LCLAT1: variants seen among roughly 807,000 people sequenced by gnomAD.
LCLAT1 encodes the protein 1-AGP acyltransferase 8.
In LCLAT1, 11 loss-of-function variants were observed where a neutral mutation model predicts 30.7. The observed-to-expected ratio is 0.36, with a 90% CI of 0.23 to 0.59. The LOEUF (loss-of-function observed/expected upper bound fraction) is 0.59. LCLAT1 is among the 20% of genes least tolerant of loss of function. LCLAT1 has a pLI of 0.77. For synonymous variants in LCLAT1, 155 were observed against 151.3 expected, an observed-to-expected ratio of 1.02 and a Z score of -0.18; for missense variants, 402 against 458.6, an observed-to-expected ratio of 0.88 and a Z score of 1.13.
intron 1 of LCLAT1, among the ~76,000 whole-genome samples, chr2:30,461,012 G>C (rs1259590228): frequency 6.6e-6 from 1 of 152,214 alleles, no homozygotes; most frequent in Non-Finnish European, 1.5e-5. Flanking sequence ...CCATTGGGCT[G>C]TTCCTGAGTT....
intron 5 of LCLAT1, chr2:30,606,953 A>G (rs1667473544): frequency 6.6e-6 from 1 of 152,196 alleles, no homozygotes; most frequent in Non-Finnish European, 1.5e-5. Flanking sequence ...TCAAAAGAAG[A>G]CATTTATATG....
intron 1 of LCLAT1, among the ~76,000 whole-genome samples, chr2:30,498,774 G>A (rs1336847973): frequency 1.3e-5 from 2 of 152,118 alleles, no homozygotes; most frequent in Non-Finnish European, 2.9e-5. Context: ...TCTTTATACG[G>A]TATTTCTCTT....
intron 5 of LCLAT1, among the ~76,000 whole-genome samples, chr2:30,576,790 AT>A (rs1342414028): frequency 6.6e-6 from 1 of 151,682 alleles, no homozygotes; most frequent in Non-Finnish European, 1.5e-5. Context: ...AGCTTTATAG[AT>A]TTTTTCTTCC....
intron 2 of LCLAT1, among the ~76,000 whole-genome samples, chr2:30,532,307 TTTGA>T (rs1360894528): frequency 6.6e-6 from 1 of 152,318 alleles, no homozygotes; most frequent in African/African-American, 2.4e-5. Context: ...CAAGAGAACT[TTTGA>T]TTCTGTATCG....
intron 5 of LCLAT1, among the ~76,000 whole-genome samples, chr2:30,581,807 A>G (rs927249737): frequency 6.6e-6 from 1 of 152,212 alleles, no homozygotes; most frequent in Admixed American, 6.5e-5. Context: ...CAGCACAGCT[A>G]GATAGGAAGA....
At position 30,640,824 on chromosome 2, in the gene LCLAT1, C is replaced by A; in HGVS notation, c.*205C>A. ...CTGAATGTAATTTCGATACTGTGTA[C>A]ATAGCAGGGAGTGATCGGGGTGAAA... On this transcript the variant is annotated 3_prime_UTR_variant, in exon 6 of 6. Transcript: ENST00000379509. The A allele has an allele frequency of 3.5e-6, 2 of 574,002 alleles. No individual in the cohort carries two copies. The highest frequency in any genetic ancestry group is 5.9e-6 in the Non-Finnish European group (2 of 337,230). 35.6% of individuals were successfully genotyped at this position (574,002 alleles called of 1,614,324 possible).
At chr2:30,590,057 G>A (rs142154496) in intron 5 of LCLAT1, among the ~76,000 whole-genome samples, 44 of 152,194 alleles carry the variant, frequency 2.9e-4, no homozygotes, top group African/African-American at 9.9e-4. Flanking sequence ...TCTGCCTTCA[G>A]TGTTGCCTTT....
chr2:30,571,801 G>T (rs1270499465), intron 5 of LCLAT1, among the ~76,000 whole-genome samples: 1 of 152,198 alleles, frequency 6.6e-6, no homozygotes, highest in African/African-American at 2.4e-5. Context: ...ATAAGATGTG[G>T]TTGTACAGTA....
At chr2:30,578,489 G>A (rs1461028377) in intron 5 of LCLAT1, among the ~76,000 whole-genome samples, 1 of 152,076 alleles carries the variant, frequency 6.6e-6, no homozygotes, top group South Asian at 2.1e-4. Flanking sequence ...AGGCAAAACG[G>A]TCTTTCCTGT....
At chr2:30,634,486 C>T (rs1668926583) in intron 5 of LCLAT1, among the ~76,000 whole-genome samples, 1 of 152,100 alleles carries the variant, frequency 6.6e-6, no homozygotes. Flanking sequence ...ATTAGCTGGG[C>T]GTGGTGGTGT....
intron 1 of LCLAT1, among the ~76,000 whole-genome samples, chr2:30,508,486 T>C (rs1407522007): frequency 6.6e-6 from 1 of 151,270 alleles, no homozygotes; most frequent in Non-Finnish European, 1.5e-5. Context: ...AGTCTTCTTC[T>C]AGAACCATTT....
At chr2:30,495,556 AAAG>A (rs1199581718) in intron 1 of LCLAT1, among the ~76,000 whole-genome samples, 5 of 152,246 alleles carry the variant, frequency 3.3e-5, no homozygotes, top group East Asian at 1.9e-4. Context: ...AGATTAAAAA[AAAG>A]AAGAAGAAGA....
In LCLAT1 at chr2:30,643,569, A is replaced by T. The variant is rs1669424472; in HGVS notation, c.*2950A>T. On this transcript the variant is annotated 3_prime_UTR_variant, in exon 6 of 6. Coordinates refer to ENST00000379509, the MANE Select transcript of LCLAT1 (RefSeq NM_001002257.3). ...TGAGTCACTTTGAAATAGTTAATTC[A>T]ACAGCACCATGTTAGAAATATATTG... 1 of 152,546 alleles carries T rather than the reference A, an allele frequency of 6.6e-6. No homozygotes were observed. The highest frequency in any genetic ancestry group is 1.5e-5 in the Non-Finnish European group (1 of 68,040). 9.4% of individuals were successfully genotyped at this position (152,546 alleles called of 1,614,324 possible).
intron 1 of LCLAT1, among the ~76,000 whole-genome samples, chr2:30,458,131 G>T (rs1247523929): frequency 6.6e-6 from 1 of 152,134 alleles, no homozygotes; most frequent in African/African-American, 2.4e-5. Flanking sequence ...TGTAGTAGCT[G>T]ACAATAGTTG....
chr2:30,461,280 T>C (rs1477691108), intron 1 of LCLAT1, among the ~76,000 whole-genome samples: 2 of 152,170 alleles, frequency 1.3e-5, no homozygotes, highest in East Asian at 3.8e-4. Flanking sequence ...AGAGAATTGG[T>C]CTCAGAGTGC....
rs542999680 is a variant in LCLAT1, at chr2:30,498,069, C to T, written c.-4-27518C>T. Among the ~76,000 whole-genome samples, 16 of 152,208 alleles carry T rather than the reference C, an allele frequency of 1.1e-4. No individual in the cohort carries two copies. The South Asian group carries it at 2.5e-3, about 24-fold the overall frequency. On this transcript the variant is annotated intron_variant, in intron 1 of 5. Transcript: ENST00000379509. Reference sequence around the variant, plus strand: ...GTGTTACCCAGAGTTCTTTGTCTCACGACCAAGAAAATTAAGGAGCATGGA... The same window carrying T: ...GTGTTACCCAGAGTTCTTTGTCTCATGACCAAGAAAATTAAGGAGCATGGA...
intron 5 of LCLAT1, among the ~76,000 whole-genome samples, chr2:30,603,470 C>CTT (rs778665083): frequency 7.0e-6 from 1 of 142,728 alleles, no homozygotes; most frequent in African/African-American, 2.5e-5. Context: ...TCAATTTTTG[C>CTT]TTTTTTTTTT....
chr2:30,484,247 T>G (rs1249553289), intron 1 of LCLAT1, among the ~76,000 whole-genome samples: 1 of 152,138 alleles, frequency 6.6e-6, no homozygotes, highest in Admixed American at 6.6e-5. Flanking sequence ...TACCATTCAT[T>G]GAGGATAATT....
At position 30,575,376 on chromosome 2, in the gene LCLAT1, A is replaced by G. The variant is rs905288655; in HGVS notation, c.628+7200A>G. ...ATGCCAGGAATATTATAGGTACTCA[A>G]TAAATTTATAGTTTGGTACAAATTT... On this transcript the variant is annotated intron_variant, in intron 5 of 5. Coordinates refer to ENST00000379509, the MANE Select transcript of LCLAT1 (RefSeq NM_001002257.3). Among the ~76,000 whole-genome samples, 5 of 152,254 alleles carry G rather than the reference A, an allele frequency of 3.3e-5. 1 individual carries two copies. The highest frequency in any genetic ancestry group is 1.5e-5 in the Non-Finnish European group (1 of 68,024).
Sources: gnomAD v4.1 joint callset for allele counts (sites outside exome capture counted in the v4.1 genomes callset) on GRCh38, gnomAD v4.1.1 for gene constraint, MANE v1.5 for transcripts, NCBI Gene and HGNC (gene_info 2026-07-23, HGNC 2026-07-21) for gene names.